CD55: variants seen among roughly 807,000 people sequenced by gnomAD.
CD55 encodes CD55 molecule (Cromer blood group), also known as complement decay-accelerating factor.
CD55 carries 41 observed loss-of-function variants against 45.8 expected under a neutral mutation model. That is an observed-to-expected ratio of 0.90 (90% confidence interval 0.70 to 1.16). The LOEUF (loss-of-function observed/expected upper bound fraction) is 1.16, where lower values mean the gene tolerates loss of function less well. Ranked by LOEUF, CD55 falls within the 50% of genes most tolerant of loss-of-function variation. The pLI is 0.00. For synonymous variants in CD55, 181 were observed against 181.1 expected (o/e 1.00, Z 0.01); for missense variants, 416 against 469.8 (o/e 0.89, Z 1.06).
intron 9 of CD55, 86 bp downstream of exon 9, chr1:207,339,503 T>C: frequency 1.9e-6 from 2 of 1,068,546 alleles, no homozygotes; most frequent in Non-Finnish European, 2.7e-6. Flanking sequence ...TATTGTCTTC[T>C]TGTTTTTAAA....
rs540591084 is a variant in CD55, at chr1:207,354,106, A to G, written c.1082-5440A>G. The G allele has an allele frequency of 4.6e-6, 7 of 1,524,594 alleles. 1 individual carries two copies. The African/African-American group carries it at 9.6e-5, about 21-fold the overall frequency. 94.4% of individuals were successfully genotyped at this position (1,524,594 alleles called of 1,614,324 possible). On this transcript the variant is annotated intron_variant, in intron 9 of 9. Transcript: ENST00000367064. ...GTCACTCCAGTTCTTGGAGGTAGGT[A>G]GATAGAATTCTAAGTTGGGTTCTTT... is the stretch of plus-strand genomic sequence containing the variant.
Position 207,336,705 on chromosome 1 carries a change from C to T in CD55, c.866C>T (p.Thr289Ile), listed in dbSNP as rs1655185366. The T allele has an allele frequency of 6.2e-7, 1 of 1,613,326 alleles. No individual in the cohort carries two copies. Among genetic ancestry groups the T allele is most frequent in the Non-Finnish European group, 8.5e-7 (1 of 1,179,672 alleles). Residue 289 changes from threonine (T) to isoleucine (I), a missense_variant, in exon 7 of 10, where the codon ACT becomes ATT. Transcript: ENST00000367064. Reference protein sequence around the residue: ...PPPECRGKSLTSKVPPTVQKP... With the variant: ...PPPECRGKSLISKVPPTVQKP... ...TTTTCTTTCACAGGAAAATCTCTAA[C>T]TTCCAAGGTCCCACCAACAGTTCAG...
intron 6 of CD55, among the ~76,000 whole-genome samples, chr1:207,333,211 C>A (rs1002742167): frequency 1.3e-5 from 2 of 152,192 alleles, no homozygotes; most frequent in African/African-American, 4.8e-5. Context: ...ACAGGTCTCC[C>A]CTTTAGCACA....
chr1:207,352,980 G>C, intron 9 of CD55, among the ~76,000 whole-genome samples: 1 of 144,064 alleles, frequency 6.9e-6, no homozygotes, highest in East Asian at 2.0e-4. Flanking sequence ...TTTGTAACTT[G>C]CCTTTCACAG....
chr1:207,354,145 A>G, intron 9 of CD55: 1 of 1,498,662 alleles, frequency 6.7e-7, no homozygotes, highest in Non-Finnish European at 8.9e-7. Context: ...AGTGAAGATG[A>G]TACCCTATAT....
chr1:207,342,887 C>A (rs970676199), intron 9 of CD55, among the ~76,000 whole-genome samples: 1 of 152,096 alleles, frequency 6.6e-6, no homozygotes, highest in South Asian at 2.1e-4. Context: ...CATTATTGGT[C>A]TGTTCAGATT....
intron 3 of CD55, 102 bp downstream of exon 3, chr1:207,324,852 A>G (rs1558142642): frequency 3.3e-6 from 2 of 601,726 alleles, no homozygotes; most frequent in East Asian, 5.9e-5. Flanking sequence ...ATATTATTAT[A>G]TAGGATGTTT....
chr1:207,360,142 A>G lies in CD55; in HGVS notation c.*532A>G, dbSNP rs55993635. 1 of 152,276 alleles carries G rather than the reference A, an allele frequency of 6.6e-6. No homozygotes were observed. The highest frequency in any genetic ancestry group is 1.9e-4 in the East Asian group (1 of 5,202). 9.4% of individuals were successfully genotyped at this position (152,276 alleles called of 1,614,324 possible). On this transcript the variant is annotated 3_prime_UTR_variant, in exon 10 of 10. Transcript: ENST00000367064. ...TGGCAAAATATTTTAAAGGTAAAAC[A>G]TGCTGGTGAACCAGGGGTGTTGATG...
intron 6 of CD55, among the ~76,000 whole-genome samples, chr1:207,332,106 A>G (rs1407621361): frequency 3.9e-5 from 6 of 152,098 alleles, no homozygotes; most frequent in Non-Finnish European, 1.5e-5. Context: ...TGAGTACAAA[A>G]TGGGAAGTGA....
At chr1:207,337,263 A>G (rs1572885319) in intron 7 of CD55, 66 bp from the exon 8 acceptor site, 6 of 1,021,892 alleles carry the variant, frequency 5.9e-6, no homozygotes, top group East Asian at 2.4e-5. Flanking sequence ...AAGTCCACTA[A>G]TGTACATTCC....
At chr1:207,351,570 CATT>C (rs1434239063) in intron 9 of CD55, among the ~76,000 whole-genome samples, 25 of 152,046 alleles carry the variant, frequency 1.6e-4, no homozygotes, top group African/African-American at 4.1e-4. Context: ...TCATTACTAT[CATT>C]ATTATTTATT....
chr1:207,327,643 A>G (rs1292581583), intron 5 of CD55, among the ~76,000 whole-genome samples: 1 of 152,116 alleles, frequency 6.6e-6, no homozygotes, highest in East Asian at 1.9e-4. Context: ...TGAAGGCCCT[A>G]TTGTCAAAAT....
intron 9 of CD55, among the ~76,000 whole-genome samples, chr1:207,350,946 G>A (rs1465051445): frequency 1.3e-5 from 2 of 151,896 alleles, no homozygotes; most frequent in African/African-American, 4.8e-5. Flanking sequence ...ATGTTACTTT[G>A]TTAATTTGAG....
chr1:207,354,277 C>T (rs897315770), intron 9 of CD55: 4 of 979,318 alleles, frequency 4.1e-6, no homozygotes, highest in African/African-American at 1.8e-5. Context: ...TTTTCTATGG[C>T]AATAAACTGA....
chr1:207,321,683 T>TA lies in CD55; in HGVS notation c.-82dup. On this transcript the variant is annotated 5_prime_UTR_variant, in exon 1 of 10. Coordinates refer to ENST00000367064, the MANE Select transcript of CD55 (RefSeq NM_000574.5). ...ATTGCGGAGCCACGAGGCTTCTGCT[T>TA]ACTGCAACTCGCTCCGGCCGCTGGG... 9.9e-7 allele frequency: 1 copy of TA among 1,014,540 alleles called. No homozygotes were observed. The highest frequency in any genetic ancestry group is 1.4e-6 in the Non-Finnish European group (1 of 717,924). 62.8% of individuals were successfully genotyped at this position (1,014,540 alleles called of 1,614,324 possible).
intron 9 of CD55, among the ~76,000 whole-genome samples, chr1:207,344,991 CAGG>C (rs1333873099): frequency 2.6e-5 from 4 of 152,186 alleles, no homozygotes; most frequent in African/African-American, 9.7e-5. Context: ...GCTGGGATTA[CAGG>C]CATGAGCCAC....
intron 9 of CD55, chr1:207,347,544 G>A: frequency 8.1e-6 from 2 of 245,640 alleles, no homozygotes; most frequent in South Asian, 4.6e-5. Flanking sequence ...ACAGGCGTGA[G>A]CCACCGCACC....
chr1:207,330,477 C>A (rs1654894214), intron 5 of CD55, among the ~76,000 whole-genome samples: 1 of 152,032 alleles, frequency 6.6e-6, no homozygotes, highest in Non-Finnish European at 1.5e-5. Flanking sequence ...AGTTCAGCTG[C>A]TCAGTAAGAT....
intron 2 of CD55, among the ~76,000 whole-genome samples, 172 bp downstream of exon 2, chr1:207,322,739 G>A (rs1168379210): frequency 6.6e-6 from 1 of 152,250 alleles, no homozygotes; most frequent in Non-Finnish European, 1.5e-5. Flanking sequence ...ACCACCCTGA[G>A]TAGGTCCTGC....
Sources: allele counts gnomAD v4.1 joint callset (sites outside exome capture counted in the v4.1 genomes callset), GRCh38; gene constraint gnomAD v4.1.1; transcripts MANE v1.5; gene names NCBI Gene and HGNC (gene_info 2026-07-23, HGNC 2026-07-21).